Variants in CELSR1 observed in about 807,000 individuals in gnomAD.
CELSR1 encodes cadherin EGF LAG seven-pass G-type receptor 1.
CELSR1 carries 110 observed loss-of-function variants against 249.1 expected under a neutral mutation model. The ratio of observed to expected loss-of-function variants is 0.44; its 90% CI spans 0.38 to 0.52. CELSR1 has a LOEUF of 0.52. CELSR1 is among the 20% of genes least tolerant of loss of function. The pLI, the probability that CELSR1 is intolerant of heterozygous loss-of-function variation, is 0.00. For synonymous variants in CELSR1, 2,113 were observed against 1,900.0 expected (o/e 1.11, Z -2.92); for missense variants, 4,109 against 4,296.4 (o/e 0.96, Z 1.22).
Position 46,367,104 on chromosome 22 carries a change from G to C in CELSR1, c.8094C>G (p.Leu2698=), listed in dbSNP as rs771864351. 3.1e-6 allele frequency: 5 copies of C among 1,611,242 alleles called. No homozygotes were observed. The Admixed American group carries it at 5.0e-5, about 16-fold the overall frequency. ...CCTGGTTGAGCACGCAGTGGAAAAG[G>C]AGGACGAAGGGGCCCTGGAGGGAGG... The part of the protein sequence containing the change: ...IFSGLQGPFV[L]LFHCVLNQEV... Residue 2698 remains leucine (L), a synonymous_variant, in exon 29 of 35, where the codon CTC becomes CTG. Transcript: ENST00000674500.
Position 46,401,318 on chromosome 22 carries a change from G to A in CELSR1, c.5227-1416C>T, listed in dbSNP as rs79950374. 6.6e-6 allele frequency among the ~76,000 whole-genome samples: 1 copy of A among 152,166 alleles called. No individual in the cohort carries two copies. The highest frequency in any genetic ancestry group is 1.5e-5 in the Non-Finnish European group (1 of 68,036). ...TCTTAGATCTCCTAAGAAAGGACTT[G>A]GCAATTTGGACCACCTCTCCTCTTG... On this transcript the variant is annotated intron_variant, in intron 9 of 34. Transcript: ENST00000674500. This position sits in a 1 kb window ranked among gnomAD's most constrained non-coding sequence, Gnocchi z 4.7.
chr22:46,403,583 A>G (rs896874548), intron 9 of CELSR1, among the ~76,000 whole-genome samples: 1 of 152,064 alleles, frequency 6.6e-6, no homozygotes, highest in Middle Eastern at 3.4e-3. Flanking sequence ...ATAACGATAT[A>G]GAATATTTGA....
At chr22:46,491,942 A>G (rs926109479) in intron 1 of CELSR1, among the ~76,000 whole-genome samples, 5 of 152,118 alleles carry the variant, frequency 3.3e-5, no homozygotes, top group Non-Finnish European at 7.3e-5. Context: ...GCGCCTCTCT[A>G]TTCTTTTTAA....
rs564832598 is a variant in CELSR1, at chr22:46,512,671, T to G, written c.3544+20956A>C. 8.5e-4 allele frequency among the ~76,000 whole-genome samples: 129 copies of G among 152,256 alleles called. No individual in the cohort carries two copies. Among genetic ancestry groups the G allele is most frequent in the African/African-American group, 2.8e-3 (118 of 41,548 alleles). ...CCTCACCACAGGTCCCCCGCCCCAC[T>G]CTGCTCCTTCGGATAAGATCCCTCC... On this transcript the variant is annotated intron_variant, in intron 1 of 34. Coordinates refer to ENST00000674500, the MANE Select transcript of CELSR1 (RefSeq NM_001378328.1). This position sits in a 1 kb window ranked among gnomAD's most constrained non-coding sequence, Gnocchi z 5.2.
At chr22:46,465,567 C>T (rs1285860227) in intron 1 of CELSR1, among the ~76,000 whole-genome samples, 1 of 152,230 alleles carries the variant, frequency 6.6e-6, no homozygotes, top group African/African-American at 2.4e-5. Context: ...CCCGGCAACA[C>T]ACCCGACAAG....
At chr22:46,376,704 G>A (rs1052006172) in intron 24 of CELSR1, among the ~76,000 whole-genome samples, 5 of 152,002 alleles carry the variant, frequency 3.3e-5, no homozygotes, top group African/African-American at 1.2e-4. Flanking sequence ...TATTTTCCTG[G>A]GGATGTACAC....
intron 1 of CELSR1, among the ~76,000 whole-genome samples, chr22:46,498,249 CAAAAAAAAAAAAAAAA>C (rs201495106): frequency 1.2e-4 from 7 of 57,820 alleles, no homozygotes; most frequent in East Asian, 4.3e-4. Context: ...AACTCTGTCT[CAAAAAAAAAAAAAAAA>C]AAAAAAAAAA....
chr22:46,493,742 C>A (rs894117093), intron 1 of CELSR1, among the ~76,000 whole-genome samples: 1 of 151,996 alleles, frequency 6.6e-6, no homozygotes, highest in Non-Finnish European at 1.5e-5. Flanking sequence ...TGAGATCTGA[C>A]GTTTTTATAG....
chr22:46,376,753 G>A (rs1179371124), intron 24 of CELSR1, among the ~76,000 whole-genome samples: 1 of 151,230 alleles, frequency 6.6e-6, no homozygotes, highest in Non-Finnish European at 1.5e-5. Context: ...GTTGCAGTGA[G>A]CTGAGATTGT....
intron 31 of CELSR1, 68 bp downstream of exon 31, chr22:46,365,518 C>T (rs1272745463): frequency 6.5e-7 from 1 of 1,540,682 alleles, no homozygotes; most frequent in African/African-American, 1.4e-5. Context: ...CAGGGGCAGT[C>T]TGTCCAGTGA....
chr22:46,428,177 T>TCTTTATAAAAGCA lies in CELSR1; in HGVS notation c.4611+5203_4611+5215dup, dbSNP rs1347081552. Among the ~76,000 whole-genome samples the TCTTTATAAAAGCA allele has an allele frequency of 6.6e-6, 1 of 152,178 alleles. No individual in the cohort carries two copies. The highest frequency in any genetic ancestry group is 1.5e-5 in the Non-Finnish European group (1 of 68,030). ...TTTGTTGCAACCGGGCCTCATGCTGTCTTTATAAAAGCACTTTCCGCAGCA... is the reference window on the plus strand; with the variant it reads ...TTTGTTGCAACCGGGCCTCATGCTGTCTTTATAAAAGCACTTTATAAAAGCACTTTCCGCAGCA... On this transcript the variant is annotated intron_variant, in intron 5 of 34. Coordinates refer to ENST00000674500, the MANE Select transcript of CELSR1 (RefSeq NM_001378328.1). This position sits in a 1 kb window ranked among gnomAD's most constrained non-coding sequence, Gnocchi z 5.7.
rs759822220 is a variant in CELSR1, at chr22:46,535,452, C to A, written c.1719G>T (p.Thr573=). Residue 573 remains threonine (T), a synonymous_variant, in exon 1 of 35, where the codon ACG becomes ACT. Coordinates refer to ENST00000674500, the MANE Select transcript of CELSR1 (RefSeq NM_001378328.1). Reference sequence around the variant, plus strand: ...AGCCCAGGGGCACATTCTCCAGCACCGTGGCCTGGAAGGGGCTGCTCACAA... The same window carrying A: ...AGCCCAGGGGCACATTCTCCAGCACAGTGGCCTGGAAGGGGCTGCTCACAA... ...PIFVSSPFQA[T]VLENVPLGYP... The A allele has an allele frequency of 7.6e-5, 122 of 1,609,384 alleles. No individual in the cohort carries two copies. In the East Asian group the frequency reaches 2.6e-3, roughly 35 times the overall value.
Position 46,410,390 on chromosome 22 carries a change from A to ACC in CELSR1, c.4933+6_4933+7dup. 1 of 1,611,772 alleles carries ACC rather than the reference A, an allele frequency of 6.2e-7. No individual in the cohort carries two copies. Among genetic ancestry groups the ACC allele is most frequent in the South Asian group, 1.1e-5 (1 of 91,046 alleles). On this transcript the variant is annotated splice_region_variant and intron_variant, in intron 7 of 34. Transcript: ENST00000674500. The surrounding 1 kb of genome is among the most constrained non-coding windows in gnomAD (Gnocchi z 6.8). ...CGGCAGCTCCGACGCCCTGACGGCC[A>ACC]CCCGTACCTTCCCGGGTGCCATTGT...
At chr22:46,489,330 A>G (rs545386459) in intron 1 of CELSR1, among the ~76,000 whole-genome samples, 53 of 151,714 alleles carry the variant, frequency 3.5e-4, no homozygotes, top group Middle Eastern at 3.4e-3. Flanking sequence ...ACTTTTGACT[A>G]TTAACCCACC....
chr22:46,382,999 C>T (rs908828896), intron 20 of CELSR1, among the ~76,000 whole-genome samples: 4 of 152,288 alleles, frequency 2.6e-5, no homozygotes, highest in Admixed American at 1.3e-4. Context: ...GGATGTGTGG[C>T]CCCTCCAAAT....
chr22:46,439,091 A>T (rs1353097678), intron 3 of CELSR1, 98 bp downstream of exon 3: 3 of 1,163,538 alleles, frequency 2.6e-6, no homozygotes, highest in African/African-American at 1.5e-5. Flanking sequence ...CCACACACGG[A>T]GGACATCAAC....
At chr22:46,420,392 CCACA>C (rs148585333) in intron 5 of CELSR1, among the ~76,000 whole-genome samples, 2,936 of 151,938 alleles carry the variant, frequency 0.019, 40 homozygotes, top group Non-Finnish European at 0.027. Flanking sequence ...GTGCACTCAC[CCACA>C]CATTTACACG....
rs1218677751 is a variant in CELSR1, at chr22:46,364,172, C to T, written c.8859G>A (p.Lys2953=). The T allele has an allele frequency of 1.9e-5, 31 of 1,612,142 alleles. No individual in the cohort carries two copies. Among genetic ancestry groups the T allele is most frequent in the Non-Finnish European group, 2.4e-5 (28 of 1,179,848 alleles). Residue 2953 remains lysine, a synonymous_variant, in exon 34 of 35, where the codon AAG becomes AAA. Coordinates refer to ENST00000674500, the MANE Select transcript of CELSR1 (RefSeq NM_001378328.1). ...TGGGGCTCTGCTCACAGTCGGCCAG[C>T]TTCTCCCGGAGCCGGCCCTTCAGCG... ...EQTLKGRLRE[K]LADCEQSPTS...
At chr22:46,365,778 C>T (rs951262808) in intron 30 of CELSR1, 89 bp from the exon 31 acceptor site, 12 of 959,990 alleles carry the variant, frequency 1.3e-5, no homozygotes, top group Non-Finnish European at 1.8e-5. Flanking sequence ...CTGCCCCTAC[C>T]CCTTCTGTGT....
Sources: gnomAD v4.1 joint callset for allele counts (sites outside exome capture counted in the v4.1 genomes callset) on GRCh38, gnomAD v4.1.1 for gene constraint, Gnocchi (gnomAD v3.1) non-coding constraint, MANE v1.5 for transcripts, NCBI Gene and HGNC (gene_info 2026-07-23, HGNC 2026-07-21) for gene names.